TNNI3K: variants seen among roughly 807,000 people sequenced by gnomAD.
TNNI3K encodes the protein serine/threonine-protein kinase TNNI3K.
TNNI3K carries 140 observed loss-of-function variants against 114.5 expected under a neutral mutation model. The ratio of observed to expected loss-of-function variants is 1.22; its 90% CI spans 1.07 to 1.41. TNNI3K has a LOEUF of 1.41. TNNI3K is among the 40% of genes most tolerant of loss of function. The pLI is 0.00. For synonymous variants in TNNI3K, 347 were observed against 347.5 expected (o/e 1.00, Z 0.02); for missense variants, 1,125 against 1,007.6 (o/e 1.12, Z -1.58).
chr1:74,422,770 A>T (rs540662401), intron 17 of TNNI3K, among the ~76,000 whole-genome samples: 1 of 152,136 alleles, frequency 6.6e-6, no homozygotes, highest in Non-Finnish European at 1.5e-5. Flanking sequence ...ACAAAAAAAA[A>T]CCCACTAAAT....
intron 23 of TNNI3K, among the ~76,000 whole-genome samples, chr1:74,537,228 A>G (rs1418978029): frequency 6.6e-6 from 1 of 152,200 alleles, no homozygotes; most frequent in Non-Finnish European, 1.5e-5. Context: ...TGCCAAGACT[A>G]CTTTGTATAG....
At chr1:74,384,315 T>A (rs2100554553) in intron 17 of TNNI3K, among the ~76,000 whole-genome samples, 1 of 152,280 alleles carries the variant, frequency 6.6e-6, no homozygotes, top group East Asian at 1.9e-4. Context: ...AAAGCCTGCC[T>A]ATAAAAAACA....
At chr1:74,414,991 A>G (rs1390811995) in intron 17 of TNNI3K, among the ~76,000 whole-genome samples, 1 of 152,222 alleles carries the variant, frequency 6.6e-6, no homozygotes, top group African/African-American at 2.4e-5. Context: ...TTTGCAATGT[A>G]AGTCAAAATA....
intron 9 of TNNI3K, among the ~76,000 whole-genome samples, chr1:74,347,369 A>G (rs1661069591): frequency 6.6e-6 from 1 of 151,842 alleles, no homozygotes; most frequent in Admixed American, 6.6e-5. Flanking sequence ...CATGGTGTAT[A>G]TGTGCCACGT....
intron 11 of TNNI3K, among the ~76,000 whole-genome samples, chr1:74,359,226 A>C (rs982212636): frequency 6.6e-6 from 1 of 152,008 alleles, no homozygotes; most frequent in Non-Finnish European, 1.5e-5. Flanking sequence ...GAGGATATTA[A>C]TAACCACTTT....
At chr1:74,485,821 C>T (rs1668729371) in intron 21 of TNNI3K, among the ~76,000 whole-genome samples, 1 of 152,130 alleles carries the variant, frequency 6.6e-6, no homozygotes, top group Non-Finnish European at 1.5e-5. Flanking sequence ...AGAGTCATTT[C>T]TGGGCAACAG....
chr1:74,515,186 T>C (rs1646332180), intron 23 of TNNI3K, among the ~76,000 whole-genome samples: 1 of 152,202 alleles, frequency 6.6e-6, no homozygotes, highest in African/African-American at 2.4e-5. Flanking sequence ...AGCCTTCAGG[T>C]GTTTGGAACT....
intron 17 of TNNI3K, among the ~76,000 whole-genome samples, chr1:74,415,159 C>T (rs538994002): frequency 4.7e-4 from 71 of 152,244 alleles, no homozygotes; most frequent in African/African-American, 1.6e-3. Context: ...GCCGCTCCCT[C>T]AGGTTGAAAC....
chr1:74,423,991 C>A (rs1665514525), intron 17 of TNNI3K, among the ~76,000 whole-genome samples: 1 of 152,072 alleles, frequency 6.6e-6, no homozygotes, highest in Non-Finnish European at 1.5e-5. Context: ...AAAACAAAGT[C>A]TTAGATTATT....
intron 2 of TNNI3K, among the ~76,000 whole-genome samples, chr1:74,246,152 A>T (rs1391471264): frequency 1.3e-5 from 2 of 152,238 alleles, no homozygotes; most frequent in Non-Finnish European, 2.9e-5. Flanking sequence ...CTTATAAATG[A>T]TAGAGCTATT....
At chr1:74,462,915 C>T (rs1014476796) in intron 20 of TNNI3K, among the ~76,000 whole-genome samples, 1 of 152,154 alleles carries the variant, frequency 6.6e-6, no homozygotes, top group African/African-American at 2.4e-5. Context: ...ATAATAACTA[C>T]TTTATAAATA....
chr1:74,397,410 C>T lies in TNNI3K; in HGVS notation c.1772+27018C>T, dbSNP rs189048152. On this transcript the variant is annotated intron_variant, in intron 17 of 24. Coordinates refer to ENST00000326637, the MANE Select transcript of TNNI3K (RefSeq NM_015978.3). ...AAGCAGTAGCTGCCACGGCCCTGCT[C>T]GTAGAGGAGAGTAGAAAGCTGACCT... Among the ~76,000 whole-genome samples the T allele has an allele frequency of 4.5e-4, 68 of 152,176 alleles. No individual in the cohort carries two copies. In the East Asian group the frequency reaches 0.012, roughly 28 times the overall value.
At chr1:74,450,958 T>C (rs534980163) in intron 20 of TNNI3K, among the ~76,000 whole-genome samples, 1 of 152,262 alleles carries the variant, frequency 6.6e-6, no homozygotes, top group African/African-American at 2.4e-5. Flanking sequence ...TTGTGTTCAG[T>C]GTGCAGCACT....
chr1:74,262,533 A>C (rs1205383897), intron 4 of TNNI3K, among the ~76,000 whole-genome samples: 2 of 151,968 alleles, frequency 1.3e-5, no homozygotes, highest in Non-Finnish European at 2.9e-5. Context: ...AATAAGAAAT[A>C]ATTTGAAGAA....
Position 74,235,470 on chromosome 1 carries a change from A to G in TNNI3K, c.19A>G (p.Arg7Gly). The change falls in exon 1 of 25, where the codon AGA (arginine) becomes GGA (glycine). Residue 7 changes from arginine to glycine, a missense_variant. Arg to Gly is a moderately radical substitution (Grantham distance 125). Coordinates refer to ENST00000326637, the MANE Select transcript of TNNI3K (RefSeq NM_015978.3). MGNYKSRPTQTCTDEWK... is the reference protein window; with the variant it reads MGNYKSGPTQTCTDEWK... ...ATAATAAATGGGAAATTATAAATCT[A>G]GACCAACCCAAACTTGTACTGGTAA... The G allele has an allele frequency of 6.6e-6, 10 of 1,514,934 alleles. No individual in the cohort carries two copies. The highest frequency in any genetic ancestry group is 8.1e-6 in the Non-Finnish European group (9 of 1,105,850). 93.8% of individuals were successfully genotyped at this position (1,514,934 alleles called of 1,614,324 possible).
rs1666124754 is a variant in TNNI3K at position 74,436,259 on chromosome 1, A to G, written c.1825+127A>G. 6 of 1,282,058 alleles carry G rather than the reference A, an allele frequency of 4.7e-6. No homozygotes were observed. In the South Asian group the frequency reaches 8.4e-5, roughly 18 times the overall value. 79.4% of individuals were successfully genotyped at this position (1,282,058 alleles called of 1,614,324 possible). A position where few individuals can be genotyped will look rare whatever the true frequency, so the allele number is the denominator to read the frequency against. On this transcript the variant is annotated intron_variant, in intron 18 of 24. Coordinates refer to ENST00000326637, the MANE Select transcript of TNNI3K (RefSeq NM_015978.3). ...TATACTACACTGAACACTGACAGCT[A>G]TCCTACCATAAATCATTCAAATTTC...
chr1:74,442,802 TAACA>T (rs1331041533), intron 20 of TNNI3K, among the ~76,000 whole-genome samples: 2 of 152,046 alleles, frequency 1.3e-5, no homozygotes, highest in Non-Finnish European at 2.9e-5. Flanking sequence ...ACTGAAATCA[TAACA>T]AACAGTCTCT....
intron 17 of TNNI3K, among the ~76,000 whole-genome samples, chr1:74,397,592 A>G (rs891787107): frequency 2.6e-5 from 4 of 152,238 alleles, no homozygotes; most frequent in Non-Finnish European, 5.9e-5. Context: ...GCTTGAATTC[A>G]GCCAGTTTCT....
chr1:74,319,748 A>G (rs1265643158), intron 5 of TNNI3K, among the ~76,000 whole-genome samples: 19 of 152,244 alleles, frequency 1.2e-4, no homozygotes, highest in Admixed American at 1.2e-3. Flanking sequence ...CTTGGAAGTC[A>G]TGCAGGGAAC....
Sources: gnomAD v4.1 joint callset for allele counts (sites outside exome capture counted in the v4.1 genomes callset) on GRCh38, gnomAD v4.1.1 for gene constraint, MANE v1.5 for transcripts, NCBI Gene and HGNC (gene_info 2026-07-23, HGNC 2026-07-21) for gene names.